CEP97: variants seen among roughly 807,000 people sequenced by gnomAD.
CEP97 encodes centrosomal protein of 97 kDa.
Under a neutral mutation model 73.1 loss-of-function variants are expected in CEP97, and 43 were observed. That is an observed-to-expected ratio of 0.59 (90% CI 0.46 to 0.76). The LOEUF (loss-of-function observed/expected upper bound fraction) is 0.76, where lower values mean the gene tolerates loss of function less well. Ranked by LOEUF, CEP97 falls within the 30% of genes least tolerant of loss-of-function variation. The pLI, the probability that CEP97 is intolerant of heterozygous loss-of-function variation, is 0.00. For missense variants in CEP97, 939 were observed against 1,014.0 expected, an observed-to-expected ratio of 0.93 and a Z score of 1.00; for synonymous variants, 337 against 370.0, an observed-to-expected ratio of 0.91 and a Z score of 1.02.
intron 6 of CEP97, among the ~76,000 whole-genome samples, chr3:101,741,491 T>C (rs904225650): frequency 6.6e-6 from 1 of 152,018 alleles, no homozygotes; most frequent in East Asian, 1.9e-4. Flanking sequence ...ACCTACAGAA[T>C]GGGAGAAAAT....
intron 6 of CEP97, 49 bp downstream of exon 6, chr3:101,732,703 C>G: frequency 2.7e-6 from 4 of 1,472,250 alleles, no homozygotes; most frequent in Non-Finnish European, 3.7e-6. Context: ...AAGACCATTT[C>G]TAGTTTACTA....
intron 2 of CEP97, 31 bp from the exon 3 acceptor site, chr3:101,727,352 C>T (rs1416751816): frequency 6.4e-7 from 1 of 1,556,322 alleles, no homozygotes; most frequent in African/African-American, 1.4e-5. Flanking sequence ...TATGTTATTC[C>T]TAAAAATAAC....
Position 101,755,454 on chromosome 3 carries a change from T to C in CEP97, c.753T>C (p.Ser251=). ...GTTTGAAAGCTGAATGGCTCTATAGTCAAGGCAAGGGGAGAGCATATCGGC... is the reference window on the plus strand; with the variant it reads ...GTTTGAAAGCTGAATGGCTCTATAGCCAAGGCAAGGGGAGAGCATATCGGC... ...KESLKAEWLY[S]QGKGRAYRPG... Residue 251 remains serine (S), a synonymous_variant, in exon 7 of 11, where the codon AGT becomes AGC. Transcript: ENST00000341893. The C allele has an allele frequency of 6.2e-7, 1 of 1,614,158 alleles. No individual in the cohort carries two copies. Among genetic ancestry groups the C allele is most frequent in the Non-Finnish European group, 8.5e-7 (1 of 1,180,018 alleles).
intron 6 of CEP97, among the ~76,000 whole-genome samples, chr3:101,745,176 T>G (rs1938575244): frequency 6.6e-6 from 1 of 152,230 alleles, no homozygotes; most frequent in African/African-American, 2.4e-5. Context: ...TATTGCTTAG[T>G]TAGAGATCAT....
chr3:101,734,394 A>G (rs945970967), intron 6 of CEP97, among the ~76,000 whole-genome samples: 1 of 152,192 alleles, frequency 6.6e-6, no homozygotes, highest in Admixed American at 6.5e-5. Flanking sequence ...ACATACACAC[A>G]TGCATTATGG....
chr3:101,751,420 C>T (rs1359748958), intron 6 of CEP97, among the ~76,000 whole-genome samples: 3 of 152,144 alleles, frequency 2.0e-5, no homozygotes, highest in Non-Finnish European at 4.4e-5. Context: ...CTGTAGATAT[C>T]TATTAGGTCC....
In CEP97 at chr3:101,765,426, T is replaced by G. The variant is rs200872104; in HGVS notation, c.2473T>G (p.Ser825Ala). Residue 825 changes from serine to alanine, a missense_variant, in exon 11 of 11, where the codon TCT becomes GCT. Physicochemically the swap from Ser to Ala is moderately conservative, Grantham distance 99 (BLOSUM62 1). Transcript: ENST00000341893. ...GASVDESHGI[S>A]PPLQGEISQT... ...TTCTGTAGATGAGAGTCATGGCATA[T>G]CTCCTCCTTTGCAAGGTGAAATTAG... 414 of 1,614,018 alleles carry G rather than the reference T, an allele frequency of 2.6e-4. No individual in the cohort carries two copies. The highest frequency in any genetic ancestry group is 3.4e-4 in the Non-Finnish European group (399 of 1,180,024).
chr3:101,736,992 C>T (rs1938299728), intron 6 of CEP97, among the ~76,000 whole-genome samples: 1 of 152,182 alleles, frequency 6.6e-6, no homozygotes, highest in South Asian at 2.1e-4. Context: ...TTAGAGAGAA[C>T]ATAAATGACC....
intron 6 of CEP97, among the ~76,000 whole-genome samples, chr3:101,747,186 C>G (rs557655322): frequency 2.0e-5 from 3 of 151,858 alleles, no homozygotes; most frequent in Admixed American, 6.6e-5. Context: ...TGGGTATATA[C>G]CCAAAGGACT....
At chr3:101,755,015 T>C (rs1221492761) in intron 6 of CEP97, among the ~76,000 whole-genome samples, 2 of 151,650 alleles carry the variant, frequency 1.3e-5, no homozygotes, top group East Asian at 3.9e-4. Flanking sequence ...CCACCCCAAC[T>C]CCTGAGTAGC....
chr3:101,732,873 C>T (rs1200852442), intron 6 of CEP97, among the ~76,000 whole-genome samples: 3 of 151,788 alleles, frequency 2.0e-5, no homozygotes, highest in Admixed American at 2.0e-4. Flanking sequence ...GCCTGTAATC[C>T]TTGCACTTTG....
intron 4 of CEP97, among the ~76,000 whole-genome samples, chr3:101,730,423 G>A (rs1238566809): frequency 6.6e-6 from 1 of 151,586 alleles, no homozygotes; most frequent in Non-Finnish European, 1.5e-5. Context: ...ATGCCACCAC[G>A]CCCAGCTAAT....
chr3:101,732,378 A>T, intron 5 of CEP97, 110 bp from the exon 6 acceptor site: 2 of 737,500 alleles, frequency 2.7e-6, no homozygotes, highest in East Asian at 2.7e-5. Context: ...TTTCAGAACA[A>T]GAGGGAAATT....
At position 101,726,595 on chromosome 3, in the gene CEP97, A is replaced by T. The variant is rs1310274296; in HGVS notation, c.45A>T (p.Gly15=). 2 of 1,580,738 alleles carry T rather than the reference A, an allele frequency of 1.3e-6. No homozygotes were observed. The highest frequency in any genetic ancestry group is 2.7e-5 in the African/African-American group (2 of 72,984). ...CTAACATTTCCGTTTCTTTTCAAGG[A>T]TCAGTGGTCAATTGGTCAGGACAGG... ...RVDAALPPGE[G]SVVNWSGQGL... is the part of the protein sequence containing the mutation. Residue 15 remains glycine, a splice_region_variant and synonymous_variant, in exon 2 of 11, where the codon GGA becomes GGT. Transcript: ENST00000341893.
Position 101,731,894 on chromosome 3 carries a change from C to G in CEP97, c.502C>G (p.Leu168Val), listed in dbSNP as rs992885938. Residue 168 changes from leucine to valine, a missense_variant, in exon 5 of 11, where the codon CTA becomes GTA. Coordinates refer to ENST00000341893, the MANE Select transcript of CEP97 (RefSeq NM_024548.4). ...CTCTCTTAGAATGGCACCTGCTTAC[C>G]TACCCAGAAGTCTTGCTATACTTTC... Reference protein sequence around the residue: ...ITSLRMAPAYLPRSLAILSLA... With the variant: ...ITSLRMAPAYVPRSLAILSLA... 6.2e-7 allele frequency: 1 copy of G among 1,612,404 alleles called. No homozygotes were observed. Among genetic ancestry groups the G allele is most frequent in the Admixed American group, 1.7e-5 (1 of 59,984 alleles).
intron 10 of CEP97, chr3:101,763,158 A>G: frequency 3.2e-6 from 4 of 1,257,690 alleles, no homozygotes; most frequent in South Asian, 1.3e-5. Flanking sequence ...TTCTGGGCTC[A>G]AGCAGTCTTC....
At chr3:101,758,978 G>C (rs1435753260) in intron 9 of CEP97, 1 of 153,732 alleles carries the variant, frequency 6.5e-6, no homozygotes, top group Non-Finnish European at 1.4e-5. Context: ...GGCAGCAAAG[G>C]ATACTGAGAA....
In CEP97 at chr3:101,758,387, A is replaced by C. The variant is rs762829969; in HGVS notation, c.1781A>C (p.Gln594Pro). ...VRYEIRLRRMQEHIVCLTDEI... is the reference protein window; with the variant it reads ...VRYEIRLRRMPEHIVCLTDEI... ...TACGAAATCCGGCTACGCAGAATGCAAGAGCACATTGTCTGCTTAACTGAT... is the reference window on the plus strand; with the variant it reads ...TACGAAATCCGGCTACGCAGAATGCCAGAGCACATTGTCTGCTTAACTGAT... Residue 594 changes from glutamine to proline, a missense_variant, in exon 9 of 11, where the codon CAA becomes CCA. Gln to Pro is a moderately conservative substitution (Grantham distance 76). Coordinates refer to ENST00000341893, the MANE Select transcript of CEP97 (RefSeq NM_024548.4). 6.2e-6 allele frequency: 10 copies of C among 1,614,192 alleles called. No individual in the cohort carries two copies. In the South Asian group the frequency reaches 1.1e-4, roughly 18 times the overall value.
chr3:101,739,940 ACT>A (rs1328126445), intron 6 of CEP97, among the ~76,000 whole-genome samples: 17 of 151,980 alleles, frequency 1.1e-4, no homozygotes, highest in African/African-American at 3.4e-4. Flanking sequence ...CATGCTAAAA[ACT>A]CTCAATAAAC....
Sources: gnomAD v4.1 joint callset for allele counts (sites outside exome capture counted in the v4.1 genomes callset) on GRCh38, gnomAD v4.1.1 for gene constraint, MANE v1.5 for transcripts, NCBI Gene and HGNC (gene_info 2026-07-23, HGNC 2026-07-21) for gene names.